The following SUMF1 variants were observed in gnomAD, a reference collection of about 807,000 sequenced individuals.
SUMF1 encodes sulfatase modifying factor 1.
In SUMF1, 48 loss-of-function variants were observed where a neutral mutation model predicts 47.6. The ratio of observed to expected loss-of-function variants is 1.01; its 90% CI spans 0.80 to 1.28. The LOEUF is 1.28. Ranked by LOEUF, SUMF1 falls within the 50% of genes most tolerant of loss-of-function variation. SUMF1 has a pLI of 0.00. For missense variants in SUMF1, 571 were observed against 485.4 expected, an observed-to-expected ratio of 1.18 and a Z score of -1.66; for synonymous variants, 230 against 192.1, an observed-to-expected ratio of 1.20 and a Z score of -1.63.
intron 8 of SUMF1, among the ~76,000 whole-genome samples, chr3:4,128,505 G>A (rs1159467922): frequency 6.6e-6 from 1 of 152,050 alleles, no homozygotes; most frequent in African/African-American, 2.4e-5. Flanking sequence ...ATTGCCTGGG[G>A]CAACAGTGTT....
intron 9 of SUMF1, among the ~76,000 whole-genome samples, chr3:4,034,797 T>C (rs1694762646): frequency 6.6e-6 from 1 of 152,014 alleles, no homozygotes; most frequent in African/African-American, 2.4e-5. Context: ...TAGGTATAAG[T>C]AGACTGCTCT....
At chr3:4,332,799 C>G (rs1271868308) in intron 8 of SUMF1, among the ~76,000 whole-genome samples, 3 of 152,154 alleles carry the variant, frequency 2.0e-5, no homozygotes, top group Non-Finnish European at 4.4e-5. Context: ...ACCTGCGGCC[C>G]TAAGTGAGAA....
chr3:4,220,235 T>C (rs549919017), intron 8 of SUMF1, among the ~76,000 whole-genome samples: 65 of 152,286 alleles, frequency 4.3e-4, no homozygotes, highest in African/African-American at 1.4e-3. Context: ...TCTGTGTGTG[T>C]GCTGCACTTC....
intron 3 of SUMF1, among the ~76,000 whole-genome samples, chr3:4,424,207 G>GT (rs900358264): frequency 5.3e-5 from 8 of 152,060 alleles, no homozygotes; most frequent in African/African-American, 1.2e-4. Flanking sequence ...TAGTACTATA[G>GT]TTTTTTTATC....
intron 8 of SUMF1, among the ~76,000 whole-genome samples, chr3:4,075,747 A>G (rs1276357230): frequency 6.6e-6 from 1 of 152,128 alleles, no homozygotes; most frequent in Non-Finnish European, 1.5e-5. Flanking sequence ...AATTGCTACA[A>G]ACAGAATAAA....
At chr3:4,298,907 C>T (rs1210843741) in intron 8 of SUMF1, among the ~76,000 whole-genome samples, 1 of 152,192 alleles carries the variant, frequency 6.6e-6, no homozygotes, top group African/African-American at 2.4e-5. Flanking sequence ...CTATCCACAT[C>T]TTTCTTTTTA....
At chr3:4,451,930 A>G (rs1702984840) in intron 2 of SUMF1, among the ~76,000 whole-genome samples, 1 of 151,968 alleles carries the variant, frequency 6.6e-6, no homozygotes, top group East Asian at 1.9e-4. Flanking sequence ...TGATCCACCC[A>G]CCTCAGCCTC....
At chr3:4,127,514 C>G (rs1693682101) in intron 8 of SUMF1, among the ~76,000 whole-genome samples, 1 of 152,088 alleles carries the variant, frequency 6.6e-6, no homozygotes, top group Non-Finnish European at 1.5e-5. Context: ...AGCTTAGCCT[C>G]CCAGCCTGCA....
chr3:4,203,141 C>T (rs1695575755), intron 8 of SUMF1, among the ~76,000 whole-genome samples: 2 of 151,802 alleles, frequency 1.3e-5, no homozygotes, highest in Non-Finnish European at 2.9e-5. Flanking sequence ...GATAGTTCTT[C>T]TTTGTTGGTT....
chr3:4,169,303 T>C lies in SUMF1; in HGVS notation c.1015-100558A>G, dbSNP rs1380018969. On this transcript the variant is annotated intron_variant and NMD_transcript_variant, in intron 8 of 12. Transcript: ENST00000448413. ...ATCTATGAATCTGACTTTACAGAAA[T>C]AGGAGTTAACAATGATCAAATTAAG... Among the ~76,000 whole-genome samples the C allele has an allele frequency of 2.6e-5, 4 of 152,200 alleles. No homozygotes were observed. The South Asian group carries it at 8.3e-4, about 32-fold the overall frequency.
chr3:4,115,308 G>A (rs764529499), intron 8 of SUMF1, among the ~76,000 whole-genome samples: 1 of 152,020 alleles, frequency 6.6e-6, no homozygotes. Context: ...TCTACTCAAC[G>A]AAACTCTGCA....
chr3:4,271,629 G>A (rs1305342427), intron 8 of SUMF1, among the ~76,000 whole-genome samples: 2 of 152,078 alleles, frequency 1.3e-5, no homozygotes, highest in South Asian at 4.1e-4. Flanking sequence ...AGTCTCCCAA[G>A]TAGCTGGGAC....
At chr3:4,172,367 T>C (rs1694850576) in intron 8 of SUMF1, among the ~76,000 whole-genome samples, 2 of 152,174 alleles carry the variant, frequency 1.3e-5, no homozygotes, top group African/African-American at 4.8e-5. Context: ...TTTTAATGTC[T>C]ATAAAATTTA....
intron 9 of SUMF1, among the ~76,000 whole-genome samples, chr3:4,065,796 A>G (rs1206488298): frequency 6.6e-6 from 1 of 152,160 alleles, no homozygotes; most frequent in Non-Finnish European, 1.5e-5. Context: ...AAGTCATCCA[A>G]CAAGGATTGC....
intron 8 of SUMF1, among the ~76,000 whole-genome samples, chr3:4,180,439 C>T (rs1237912513): frequency 6.6e-6 from 1 of 151,692 alleles, no homozygotes; most frequent in African/African-American, 2.4e-5. Flanking sequence ...CAAACCATCA[C>T]AAGGACAGAA....
intron 3 of SUMF1, among the ~76,000 whole-genome samples, chr3:4,445,392 C>A (rs1205540021): frequency 2.0e-5 from 3 of 152,198 alleles, no homozygotes; most frequent in Admixed American, 1.3e-4. Context: ...GCCTGGAGTA[C>A]AATGGTGCCA....
chr3:4,388,867 G>A (rs1257457152), intron 7 of SUMF1, among the ~76,000 whole-genome samples: 4 of 152,082 alleles, frequency 2.6e-5, no homozygotes, highest in African/African-American at 4.8e-5. Context: ...CATCAAAACC[G>A]TAACTCTCTT....
chr3:4,160,335 G>A (rs1694546764), intron 8 of SUMF1, among the ~76,000 whole-genome samples: 1 of 151,930 alleles, frequency 6.6e-6, no homozygotes. Context: ...CGCCTCCCAG[G>A]TTCAAGCAAT....
At chr3:4,099,364 C>T (rs571781359) in intron 8 of SUMF1, among the ~76,000 whole-genome samples, 3 of 152,150 alleles carry the variant, frequency 2.0e-5, no homozygotes, top group East Asian at 3.9e-4. Context: ...AAAAACCATA[C>T]GATCATCTCA....
Sources: allele counts gnomAD v4.1 joint callset (sites outside exome capture counted in the v4.1 genomes callset), GRCh38; gene constraint gnomAD v4.1.1; transcripts MANE v1.5; gene names NCBI Gene and HGNC (gene_info 2026-07-23, HGNC 2026-07-21).